ARHGAP19: variants seen among roughly 807,000 people sequenced by gnomAD.
The protein encoded by ARHGAP19 is rho GTPase-activating protein 19.
ARHGAP19 carries 48 observed loss-of-function variants against 60.9 expected under a neutral mutation model. That is an observed-to-expected ratio of 0.79 (90% CI 0.62 to 1.00). ARHGAP19 has a LOEUF of 1.00. Ranked by LOEUF, ARHGAP19 falls within the 50% of genes least tolerant of loss-of-function variation. The pLI is 0.00. For missense variants in ARHGAP19, 562 were observed against 597.2 expected (o/e 0.94, Z 0.61); for synonymous variants, 209 against 215.5 (o/e 0.97, Z 0.27).
intron 4 of ARHGAP19, among the ~76,000 whole-genome samples, chr10:97,262,534 G>A (rs1229152018): frequency 6.6e-6 from 1 of 152,004 alleles, no homozygotes; most frequent in African/African-American, 2.4e-5. Flanking sequence ...GCGTGGTAGC[G>A]CGTGCCTGTA....
At chr10:97,242,305 A>T (rs1842497765) in intron 8 of ARHGAP19, among the ~76,000 whole-genome samples, 1 of 126,104 alleles carries the variant, frequency 7.9e-6, no homozygotes, top group Non-Finnish European at 1.7e-5. Flanking sequence ...TTTCTTTTTT[A>T]TCTTTAAGTA....
intron 1 of ARHGAP19, among the ~76,000 whole-genome samples, chr10:97,292,042 T>C (rs555485393): frequency 1.3e-5 from 2 of 152,298 alleles, no homozygotes; most frequent in African/African-American, 2.4e-5. Flanking sequence ...TTTAAATGGA[T>C]TGTCTTATTC....
At chr10:97,239,309 A>G (rs931379598) in intron 8 of ARHGAP19, among the ~76,000 whole-genome samples, 1 of 152,126 alleles carries the variant, frequency 6.6e-6, no homozygotes, top group Non-Finnish European at 1.5e-5. Flanking sequence ...CCTGGCCAAC[A>G]TGGTGAAACC....
intron 8 of ARHGAP19, among the ~76,000 whole-genome samples, chr10:97,240,124 G>A (rs1174660356): frequency 1.4e-5 from 2 of 144,968 alleles, no homozygotes; most frequent in African/African-American, 2.5e-5. Flanking sequence ...ATGTTTTAAG[G>A]GGGAAAAAAA....
intron 1 of ARHGAP19, among the ~76,000 whole-genome samples, chr10:97,282,160 G>A (rs1843093409): frequency 6.6e-6 from 1 of 152,092 alleles, no homozygotes. Context: ...TTAACCAACT[G>A]AAACATTCTA....
chr10:97,257,150 A>T (rs1842766258), intron 5 of ARHGAP19, among the ~76,000 whole-genome samples: 1 of 151,934 alleles, frequency 6.6e-6, no homozygotes, highest in African/African-American at 2.4e-5. Flanking sequence ...CAAACAAAAA[A>T]CACAGCAAAA....
At chr10:97,281,410 G>T (rs793531) in intron 1 of ARHGAP19, among the ~76,000 whole-genome samples, 35,749 of 151,854 alleles carry the variant, frequency 0.24, 4,607 homozygotes, top group Non-Finnish European at 0.3. Context: ...TTTCAAAAAA[G>T]AAAAGAGTTT....
In ARHGAP19 at chr10:97,223,309, ACAGT is replaced by A. The variant is rs1483928176; in HGVS notation, c.*2809_*2812del. On this transcript the variant is annotated 3_prime_UTR_variant, in exon 12 of 12. Transcript: ENST00000358531. ...CCTGCTCCTGTTTTGGCCCTCAGGT[ACAGT>A]CAGTATCTCCTGATGCTCTTTCACT... The A allele has an allele frequency of 6.6e-6, 1 of 152,148 alleles. No homozygotes were observed. Among genetic ancestry groups the A allele is most frequent in the Non-Finnish European group, 1.5e-5 (1 of 68,034 alleles). 9.4% of individuals were successfully genotyped at this position (152,148 alleles called of 1,614,324 possible).
intron 1 of ARHGAP19, among the ~76,000 whole-genome samples, 179 bp downstream of exon 1, chr10:97,292,393 T>G (rs997391200): frequency 3.7e-4 from 57 of 152,292 alleles, no homozygotes; most frequent in African/African-American, 1.3e-3. Context: ...GGGGTTTGGC[T>G]GGAGTCCAGC....
At position 97,260,447 on chromosome 10, in the gene ARHGAP19, G is replaced by A. The variant is rs529718064; in HGVS notation, c.614-819C>T. Among the ~76,000 whole-genome samples the A allele has an allele frequency of 2.4e-3, 367 of 151,800 alleles. 1 individual carries two copies. The highest frequency in any genetic ancestry group is 4.1e-3 in the Non-Finnish European group (277 of 67,904). On this transcript the variant is annotated intron_variant, in intron 4 of 11. Transcript: ENST00000358531. Reference sequence around the variant, plus strand: ...CAGGAGGCAGAGGCAGGAGTATGGCGTGAACCTGGGAGGCGGAGCTTGCAG... The same window carrying A: ...CAGGAGGCAGAGGCAGGAGTATGGCATGAACCTGGGAGGCGGAGCTTGCAG...
At position 97,225,540 on chromosome 10, in the gene ARHGAP19, G is replaced by GGCT. The variant is rs1038988961; in HGVS notation, c.*581_*582insAGC. 1.3e-5 allele frequency: 2 copies of GGCT among 152,090 alleles called. No individual in the cohort carries two copies. Among genetic ancestry groups the GGCT allele is most frequent in the African/African-American group, 4.8e-5 (2 of 41,396 alleles). 9.4% of individuals were successfully genotyped at this position (152,090 alleles called of 1,614,324 possible). ...CTATAAATTCTTTGGACACAAATTAGGTATTGAGGAATACAGCCTCATAAG... is the reference window on the plus strand; with the variant it reads ...CTATAAATTCTTTGGACACAAATTAGGCTGTATTGAGGAATACAGCCTCATAAG... On this transcript the variant is annotated 3_prime_UTR_variant, in exon 12 of 12. Transcript: ENST00000358531.
At position 97,223,427 on chromosome 10, in the gene ARHGAP19, TCTCA is replaced by T. The variant is rs1162231948; in HGVS notation, c.*2691_*2694del. The T allele has an allele frequency of 6.6e-6, 1 of 152,162 alleles. No homozygotes were observed. Among genetic ancestry groups the T allele is most frequent in the Non-Finnish European group, 1.5e-5 (1 of 68,018 alleles). 9.4% of individuals were successfully genotyped at this position (152,162 alleles called of 1,614,324 possible). The stretch of plus-strand genomic sequence containing the variant: ...GGTGAGAAATTCCAACGCCTATGGT[TCTCA>T]CTAATTTAGTCAGTGGGGTTCACAC... On this transcript the variant is annotated 3_prime_UTR_variant, in exon 12 of 12. Transcript: ENST00000358531.
intron 1 of ARHGAP19, among the ~76,000 whole-genome samples, chr10:97,287,738 G>A (rs1228220993): frequency 6.6e-6 from 1 of 151,958 alleles, no homozygotes; most frequent in African/African-American, 2.4e-5. Flanking sequence ...GTGAGATCCT[G>A]TCTCAAAAAA....
intron 8 of ARHGAP19, among the ~76,000 whole-genome samples, chr10:97,238,205 G>A (rs1387278638): frequency 6.6e-6 from 1 of 151,940 alleles, no homozygotes; most frequent in Non-Finnish European, 1.5e-5. Context: ...CTTCAGTTTT[G>A]GAGTTTTTTT....
chr10:97,278,495 C>T (rs908718715), intron 1 of ARHGAP19, among the ~76,000 whole-genome samples: 1 of 152,104 alleles, frequency 6.6e-6, no homozygotes, highest in African/African-American at 2.4e-5. Flanking sequence ...TATTTTCATC[C>T]TAACTCAAGA....
chr10:97,278,679 C>A (rs1473245985), intron 1 of ARHGAP19, among the ~76,000 whole-genome samples: 1 of 151,992 alleles, frequency 6.6e-6, no homozygotes, highest in Non-Finnish European at 1.5e-5. Flanking sequence ...TAGATGGAAC[C>A]CTACATGTAA....
intron 1 of ARHGAP19, among the ~76,000 whole-genome samples, chr10:97,283,949 T>C (rs896254751): frequency 6.6e-6 from 1 of 152,044 alleles, no homozygotes; most frequent in Non-Finnish European, 1.5e-5. Flanking sequence ...TTTCTTTTTT[T>C]TAGAGACAGG....
intron 6 of ARHGAP19, among the ~76,000 whole-genome samples, chr10:97,253,489 A>G (rs1287769900): frequency 6.6e-6 from 1 of 152,146 alleles, no homozygotes; most frequent in African/African-American, 2.4e-5. Flanking sequence ...ATGCTGGGAT[A>G]GGTGTTAGGG....
At chr10:97,256,084 A>C (rs1842748876) in intron 6 of ARHGAP19, among the ~76,000 whole-genome samples, 1 of 152,122 alleles carries the variant, frequency 6.6e-6, no homozygotes, top group African/African-American at 2.4e-5. Flanking sequence ...AAAAGGAAGA[A>C]TGGCTCAGAG....
Sources: gnomAD v4.1 joint callset for allele counts (sites outside exome capture counted in the v4.1 genomes callset) on GRCh38, gnomAD v4.1.1 for gene constraint, MANE v1.5 for transcripts, NCBI Gene and HGNC (gene_info 2026-07-23, HGNC 2026-07-21) for gene names.